The following SLC16A1 variants were observed in gnomAD, a reference collection of about 807,000 sequenced individuals.
SLC16A1 encodes monocarboxylate transporter 1.
SLC16A1 carries 11 observed loss-of-function variants against 32.2 expected under a neutral mutation model. The ratio of observed to expected loss-of-function variants is 0.34; its 90% CI spans 0.21 to 0.56. SLC16A1 has a LOEUF of 0.56. Ranked by LOEUF, SLC16A1 falls within the 20% of genes least tolerant of loss-of-function variation. The probability of loss-of-function intolerance (pLI) is 0.87; values close to 1 mark genes in which losing one functional copy is unlikely to be tolerated. For missense variants in SLC16A1, 435 were observed against 615.0 expected (o/e 0.71, Z 3.10); for synonymous variants, 231 against 226.8 (o/e 1.02, Z -0.17).
intron 3 of SLC16A1, among the ~76,000 whole-genome samples, chr1:112,919,093 C>T (rs987491661): frequency 3.7e-4 from 56 of 151,788 alleles, no homozygotes; most frequent in African/African-American, 1.4e-3. Context: ...TGCAGTGGCG[C>T]GATCTCGGCT....
intron 2 of SLC16A1, 155 bp from the exon 3 acceptor site, chr1:112,922,288 T>A: frequency 1.4e-6 from 1 of 689,756 alleles, no homozygotes; most frequent in East Asian, 2.7e-5. Flanking sequence ...ACATGTGTAC[T>A]AAAATAAAGA....
chr1:112,917,969 G>A lies in SLC16A1; in HGVS notation c.437C>T (p.Ala146Val), dbSNP rs1158532602. The A allele has an allele frequency of 1.3e-6, 2 of 1,586,982 alleles. No individual in the cohort carries two copies. The highest frequency in any genetic ancestry group is 1.7e-6 in the Non-Finnish European group (2 of 1,173,160). Residue 146 changes from alanine (A) to valine (V), a missense_variant, in exon 4 of 5, where the codon GCC becomes GTC. This residue lies in a region of SLC16A1 where 324 missense variants were observed against 500.3 expected (regional missense o/e 0.65). Coordinates refer to ENST00000369626, the MANE Select transcript of SLC16A1 (RefSeq NM_003051.4). The surrounding 1 kb of genome is among the most constrained non-coding windows in gnomAD (Gnocchi z 4.1). ...GKYFYKRRPL[A>V]NGLAMAGSPV... Reference sequence around the variant, plus strand: ...GCTGCCTGCCATGGCCAGTCCGTTGGCCAATGGTCGCCTCTTGTAGAAATA... The same window carrying A: ...GCTGCCTGCCATGGCCAGTCCGTTGACCAATGGTCGCCTCTTGTAGAAATA...
Position 112,924,205 on chromosome 1 carries a change from T to A in SLC16A1, c.218-2072A>T, listed in dbSNP as rs1570626278. 1.3e-5 allele frequency: 20 copies of A among 1,516,044 alleles called. No homozygotes were observed. The East Asian group carries it at 4.5e-4, about 34-fold the overall frequency. The allele number at this position is 1,516,044 out of a possible 1,614,324, so 93.9% of individuals were successfully genotyped here. A position where few individuals can be genotyped will look rare whatever the true frequency, so the allele number is the denominator to read the frequency against. The stretch of plus-strand genomic sequence containing the variant: ...CAGGGTGCCCACGGGGACGCAGTCA[T>A]CCTGGGCATGTCCAGCTTGGAGCAG... On this transcript the variant is annotated intron_variant, in intron 2 of 4. Coordinates refer to ENST00000369626, the MANE Select transcript of SLC16A1 (RefSeq NM_003051.4).
intron 1 of SLC16A1, among the ~76,000 whole-genome samples, chr1:112,944,343 A>T (rs528165572): frequency 6.6e-5 from 10 of 152,216 alleles, no homozygotes; most frequent in African/African-American, 2.4e-4. Context: ...TCCCAGCTAC[A>T]TGGGAGGCTG....
At chr1:112,940,689 G>A (rs1649477214) in intron 1 of SLC16A1, among the ~76,000 whole-genome samples, 1 of 151,924 alleles carries the variant, frequency 6.6e-6, no homozygotes, top group African/African-American at 2.4e-5. Context: ...ATTTTTCACT[G>A]TACATCATTT....
intron 1 of SLC16A1, among the ~76,000 whole-genome samples, chr1:112,946,592 C>T (rs554057618): frequency 6.6e-6 from 1 of 152,296 alleles, no homozygotes; most frequent in Non-Finnish European, 1.5e-5. Flanking sequence ...CTCGCTCTGT[C>T]GCCCAGGCTG....
intron 1 of SLC16A1, among the ~76,000 whole-genome samples, chr1:112,948,989 C>A (rs562012567): frequency 6.6e-6 from 1 of 152,038 alleles, no homozygotes; most frequent in African/African-American, 2.4e-5. Flanking sequence ...CACCACCATG[C>A]CCGGTTAATT....
chr1:112,913,755 C>CAAA lies in SLC16A1; in HGVS notation c.*135_*136insTTT, dbSNP rs886045066. 1.1e-5 allele frequency: 12 copies of CAAA among 1,101,172 alleles called. No individual in the cohort carries two copies. The highest frequency in any genetic ancestry group is 1.4e-5 in the Non-Finnish European group (10 of 732,240). The allele number at this position is 1,101,172 out of a possible 1,614,324, so 68.2% of individuals were successfully genotyped here. On this transcript the variant is annotated 3_prime_UTR_variant, in exon 5 of 5. Coordinates refer to ENST00000369626, the MANE Select transcript of SLC16A1 (RefSeq NM_003051.4). ...GTAAGGAGTCAAACAAAAATCCCATCAATGAACAACTGGTATGATTTCCAC... is the reference window on the plus strand; with the variant it reads ...GTAAGGAGTCAAACAAAAATCCCATCAAAAATGAACAACTGGTATGATTTCCAC...
chr1:112,920,639 A>C (rs1337763317), intron 3 of SLC16A1, among the ~76,000 whole-genome samples: 1 of 152,128 alleles, frequency 6.6e-6, no homozygotes, highest in African/African-American at 2.4e-5. Flanking sequence ...AACAACAACA[A>C]AACCAGATTT....
At chr1:112,922,791 AAAC>A (rs1398886687) in intron 2 of SLC16A1, among the ~76,000 whole-genome samples, 8 of 152,016 alleles carry the variant, frequency 5.3e-5, no homozygotes, top group African/African-American at 1.9e-4. Flanking sequence ...CAAACAAACA[AAAC>A]AAAAACATGT....
At chr1:112,936,279 G>A (rs1443602434) in intron 1 of SLC16A1, among the ~76,000 whole-genome samples, 2 of 151,904 alleles carry the variant, frequency 1.3e-5, no homozygotes, top group Non-Finnish European at 1.5e-5. Flanking sequence ...AGGCCGAGGC[G>A]GGTGGATCAC....
intron 1 of SLC16A1, among the ~76,000 whole-genome samples, chr1:112,950,944 C>T (rs1649870930): frequency 6.6e-6 from 1 of 151,954 alleles, no homozygotes; most frequent in Admixed American, 6.6e-5. Flanking sequence ...CTGCAGTGAA[C>T]CATGATGGTT....
chr1:112,930,907 C>A (rs1449204234), intron 1 of SLC16A1, among the ~76,000 whole-genome samples: 1 of 152,026 alleles, frequency 6.6e-6, no homozygotes, highest in Admixed American at 6.6e-5. Context: ...TTAGTAGAGA[C>A]GGGGTTTGGC....
intron 2 of SLC16A1, 67 bp downstream of exon 2, chr1:112,929,024 AG>A: frequency 9.1e-7 from 1 of 1,097,340 alleles, no homozygotes; most frequent in Non-Finnish European, 1.3e-6. Flanking sequence ...TTTTTTTTAA[AG>A]TTACCTAATA....
intron 1 of SLC16A1, among the ~76,000 whole-genome samples, chr1:112,946,340 G>A (rs1649702958): frequency 1.3e-5 from 2 of 152,018 alleles, no homozygotes; most frequent in African/African-American, 2.4e-5. Flanking sequence ...GGGAGGCCAA[G>A]GCAGGCGGAT....
rs1429716444 is a variant in SLC16A1 at position 112,922,009 on chromosome 1, G to A, written c.342C>T (p.Val114=). The change falls in exon 3 of 5, where the codon GTC becomes GTT. Residue 114 remains valine (V), a synonymous_variant. Coordinates refer to ENST00000369626, the MANE Select transcript of SLC16A1 (RefSeq NM_003051.4). ...SFCNTVQQLY[V]CIGVIGGLGL... is the part of the protein sequence containing the mutation. ...ACTCACCTCCAATGACTCCAATACA[G>A]ACGTATAGTTGCTGTACGGTGTTAC... 6.2e-7 allele frequency: 1 copy of A among 1,614,120 alleles called. No homozygotes were observed. Among genetic ancestry groups the A allele is most frequent in the East Asian group, 2.2e-5 (1 of 44,876 alleles).
chr1:112,939,086 T>C (rs1325750443), intron 1 of SLC16A1, among the ~76,000 whole-genome samples: 7 of 151,538 alleles, frequency 4.6e-5, no homozygotes, highest in Non-Finnish European at 8.8e-5. Context: ...TAGAGACAGG[T>C]TTTACCATGT....
At chr1:112,924,179 G>C (rs1648850100) in intron 2 of SLC16A1, 1 of 1,500,446 alleles carries the variant, frequency 6.7e-7, no homozygotes, top group Admixed American at 1.7e-5. Flanking sequence ...ACTCACAGCT[G>C]CAGGGTGCCC....
At position 112,929,273 on chromosome 1, in the gene SLC16A1, G is replaced by C. The variant is rs878973204; in HGVS notation, c.36C>G (p.Thr12=). 12 of 1,613,858 alleles carry C rather than the reference G, an allele frequency of 7.4e-6. No homozygotes were observed. Among genetic ancestry groups the C allele is most frequent in the African/African-American group, 2.7e-5 (2 of 74,864 alleles). The change falls in exon 2 of 5, where the codon ACC becomes ACG. Residue 12 remains threonine, a synonymous_variant. Transcript: ENST00000369626. The part of the protein sequence containing the change: ...PPAVGGPVGY[T]PPDGGWGWAV... ...CCCAGCCCCAGCCTCCATCTGGGGG[G>C]GTGTATCCAACTGGACCTCCAACTG...
Sources: gnomAD v4.1 joint callset for allele counts (sites outside exome capture counted in the v4.1 genomes callset) on GRCh38, gnomAD v4.1.1 for gene constraint, gnomAD v4.1.1 regional missense constraint, Gnocchi (gnomAD v3.1) non-coding constraint, MANE v1.5 for transcripts, NCBI Gene and HGNC (gene_info 2026-07-23, HGNC 2026-07-21) for gene names.